CDCP2: variants seen among roughly 807,000 people sequenced by gnomAD.
CDCP2 encodes CUB domain containing protein 2.
CDCP2 carries 31 observed loss-of-function variants against 31.0 expected under a neutral mutation model. The observed-to-expected ratio is 1.00, with a 90% CI of 0.75 to 1.35. The LOEUF (loss-of-function observed/expected upper bound fraction) is 1.35. Ranked by LOEUF, CDCP2 falls within the 40% of genes most tolerant of loss-of-function variation. The pLI is 0.00. For synonymous variants in CDCP2, 206 were observed against 207.9 expected (o/e 0.99, Z 0.08); for missense variants, 443 against 482.6 (o/e 0.92, Z 0.77).
exon 2 of CDCP2, chr1:54,144,548 G>A (rs1659427693): frequency 8.1e-6 from 13 of 1,613,394 alleles, no homozygotes; most frequent in Non-Finnish European, 1.1e-5. Context: ...GCCAGGAGGA[G>A]GTGAAGGGCG....
At chr1:54,133,922 C>CCAAAAAAAA (rs1570055068) in intron 5 of CDCP2, among the ~76,000 whole-genome samples, 1 of 148,576 alleles carries the variant, frequency 6.7e-6, no homozygotes, top group Non-Finnish European at 1.5e-5. Context: ...ACAAAAAAAA[C>CCAAAAAAAA]CCCATGTTAC....
intron 1 of CDCP2, among the ~76,000 whole-genome samples, chr1:54,152,595 G>C (rs1219999050): frequency 6.6e-6 from 1 of 152,152 alleles, no homozygotes; most frequent in Non-Finnish European, 1.5e-5. Context: ...CTGGAAAATG[G>C]GGGACTAACA....
exon 2 of CDCP2, chr1:54,144,479 C>A: frequency 6.3e-7 from 1 of 1,575,112 alleles, no homozygotes; most frequent in Middle Eastern, 1.7e-4. Context: ...TCTGGTAGCC[C>A]GCAGAAAAGC....
At chr1:54,144,333 C>G in intron 2 of CDCP2, 133 bp downstream of exon 2, 2 of 785,248 alleles carry the variant, frequency 2.5e-6, no homozygotes, top group Non-Finnish European at 4.0e-6. Context: ...ATCTCCACCC[C>G]AGGGCCAGCT....
intron 5 of CDCP2, among the ~76,000 whole-genome samples, chr1:54,133,693 G>A (rs1048404992): frequency 6.6e-6 from 1 of 152,100 alleles, no homozygotes; most frequent in Non-Finnish European, 1.5e-5. Context: ...TCAGGAGATC[G>A]AGACCATCCT....
intron 1 of CDCP2, among the ~76,000 whole-genome samples, chr1:54,149,624 C>T (rs1659541092): frequency 6.6e-6 from 1 of 152,232 alleles, no homozygotes; most frequent in Admixed American, 6.5e-5. Context: ...AGCCCATGCT[C>T]CTTCTCTCCC....
chr1:54,146,110 T>G (rs1257397292), intron 1 of CDCP2, among the ~76,000 whole-genome samples: 7 of 152,116 alleles, frequency 4.6e-5, no homozygotes, highest in Non-Finnish European at 1.0e-4. Context: ...TTATTATATA[T>G]TAGAATAGAG....
At chr1:54,152,813 C>G (rs1233952608) in intron 1 of CDCP2, 31 bp downstream of exon 1, 3 of 1,594,394 alleles carry the variant, frequency 1.9e-6, no homozygotes, top group Non-Finnish European at 2.6e-6. Flanking sequence ...TCCTTCCCCT[C>G]TCAGTTCATG....
At chr1:54,133,988 A>G (rs1348120082) in intron 5 of CDCP2, among the ~76,000 whole-genome samples, 1 of 152,176 alleles carries the variant, frequency 6.6e-6, no homozygotes, top group Non-Finnish European at 1.5e-5. Flanking sequence ...CACACAGCAT[A>G]CAAGTGACAG....
intron 2 of CDCP2, chr1:54,142,409 C>T (rs981454376): frequency 9.2e-5 from 14 of 152,228 alleles, no homozygotes; most frequent in Non-Finnish European, 4.4e-5. Context: ...CTCATTGGAA[C>T]ATTAGAAATC....
In CDCP2 at chr1:54,144,719, C is replaced by T. The variant is rs951371079; in HGVS notation, c.174G>A (p.Trp58Ter). The T allele has an allele frequency of 1.2e-6, 2 of 1,614,214 alleles. No homozygotes were observed. Among genetic ancestry groups the T allele is most frequent in the Non-Finnish European group, 1.7e-6 (2 of 1,180,036 alleles). ...AGGATCCCTCGGCCACCACGATCAG[C>T]CAGCTGCACTCTGTGTTGTAGGGGT... Residue 58 changes from tryptophan to a stop codon, truncating the protein, a stop_gained, in exon 2 of 6, where the codon TGG becomes TGA. Transcript: ENST00000530059. LOFTEE classifies it high-confidence loss of function.
chr1:54,149,809 A>G (rs182134164), intron 1 of CDCP2, among the ~76,000 whole-genome samples: 1 of 152,312 alleles, frequency 6.6e-6, no homozygotes, highest in Non-Finnish European at 1.5e-5. Context: ...CTTAGTGTAT[A>G]TTTGCTGAAT....
chr1:54,135,777 A>G (rs1659246819), intron 5 of CDCP2, among the ~76,000 whole-genome samples: 3 of 152,052 alleles, frequency 2.0e-5, no homozygotes, highest in African/African-American at 7.2e-5. Flanking sequence ...TGGGGCAGGC[A>G]GAGGGTGGCC....
rs1486442956 is a variant in CDCP2 at position 54,141,161 on chromosome 1, G to A, written c.700C>T (p.Gln234Ter). 2 of 1,566,110 alleles carry A rather than the reference G, an allele frequency of 1.3e-6. No homozygotes were observed. The highest frequency in any genetic ancestry group is 1.7e-6 in the Non-Finnish European group (2 of 1,156,504). The change falls in exon 3 of 6, where the codon CAG (glutamine) becomes TAG (stop). Residue 234 changes from glutamine to a stop codon, truncating the protein, a stop_gained. Coordinates refer to ENST00000530059, the Ensembl canonical transcript of CDCP2. LOFTEE classifies it high-confidence loss of function. ...TTGAAGTCGGACTTGAAGACCACCTGCAGTTCGTGGCCCAGAGACACGAGG... is the reference window on the plus strand; with the variant it reads ...TTGAAGTCGGACTTGAAGACCACCTACAGTTCGTGGCCCAGAGACACGAGG...
intron 1 of CDCP2, 102 bp downstream of exon 1, chr1:54,152,742 C>G: frequency 1.9e-6 from 2 of 1,065,768 alleles, no homozygotes; most frequent in Non-Finnish European, 1.4e-6. Context: ...CTAAAAGGAC[C>G]TCCTGCTTTC....
intron 5 of CDCP2, among the ~76,000 whole-genome samples, chr1:54,134,231 T>C (rs1659218453): frequency 6.6e-6 from 1 of 152,236 alleles, no homozygotes; most frequent in Non-Finnish European, 1.5e-5. Context: ...TCCCCGGTGC[T>C]GTATGGCTTC....
chr1:54,136,106 G>T (rs892668591), intron 5 of CDCP2, among the ~76,000 whole-genome samples: 4 of 152,188 alleles, frequency 2.6e-5, no homozygotes, highest in African/African-American at 9.7e-5. Context: ...AGGGAATCCT[G>T]TGCCTTGAAA....
intron 3 of CDCP2, 42 bp downstream of exon 3, chr1:54,141,056 T>G (rs763955880): frequency 1.3e-6 from 2 of 1,482,590 alleles, no homozygotes; most frequent in Non-Finnish European, 1.8e-6. Context: ...AGGAGCCCAG[T>G]AGGCACAGGA....
At chr1:54,143,212 C>T (rs552289636) in intron 2 of CDCP2, among the ~76,000 whole-genome samples, 55 of 152,100 alleles carry the variant, frequency 3.6e-4, no homozygotes, top group East Asian at 2.3e-3. Context: ...GGGTGGCGCG[C>T]GCCTGTAATC....
Sources: gnomAD v4.1 joint callset for allele counts (sites outside exome capture counted in the v4.1 genomes callset) on GRCh38, gnomAD v4.1.1 for gene constraint, MANE v1.5 for transcripts, NCBI Gene and HGNC (gene_info 2026-07-23, HGNC 2026-07-21) for gene names.